MALRD1: variants seen among roughly 807,000 people sequenced by gnomAD.
The protein encoded by MALRD1 is MAM and LDL receptor class A domain containing 1, also known as MAM and LDL-receptor class A domain-containing protein 1.
In MALRD1, 247 loss-of-function variants were observed where a neutral mutation model predicts 242.1. The observed-to-expected ratio is 1.02, with a 90% CI of 0.92 to 1.13. The LOEUF (loss-of-function observed/expected upper bound fraction) is 1.13. Among genes scored for constraint, MALRD1 ranks in the 50% most tolerant of loss-of-function variants. The pLI is 0.00. For missense variants in MALRD1, 2,989 were observed against 2,533.1 expected (o/e 1.18, Z -3.86); for synonymous variants, 995 against 866.6 (o/e 1.15, Z -2.60).
chr10:19,696,291 G>A (rs1833374663), intron 38 of MALRD1, among the ~76,000 whole-genome samples: 1 of 152,054 alleles, frequency 6.6e-6, no homozygotes, highest in Non-Finnish European at 1.5e-5. Context: ...AATGTGACTG[G>A]CTTTTATGAA....
At chr10:19,185,837 G>A (rs1161533229) in intron 14 of MALRD1, among the ~76,000 whole-genome samples, 1 of 151,948 alleles carries the variant, frequency 6.6e-6, no homozygotes, top group African/African-American at 2.4e-5. Context: ...GTGTGTGTGT[G>A]TGTGTGTTAG....
intron 29 of MALRD1, among the ~76,000 whole-genome samples, chr10:19,451,093 G>A (rs377447759): frequency 1.2e-4 from 18 of 152,034 alleles, no homozygotes; most frequent in South Asian, 1.0e-3. Context: ...TCTTCCTTCC[G>A]TACCATCCGC....
At chr10:19,098,002 C>T (rs895057411) in intron 4 of MALRD1, among the ~76,000 whole-genome samples, 3 of 152,082 alleles carry the variant, frequency 2.0e-5, no homozygotes, top group African/African-American at 7.2e-5. Flanking sequence ...AGTGGCCATT[C>T]TTTTATCCCT....
At chr10:19,389,335 A>G in intron 27 of MALRD1, 117 bp from the exon 28 acceptor site, 1 of 1,109,162 alleles carries the variant, frequency 9.0e-7, no homozygotes, top group Non-Finnish European at 1.3e-6. Context: ...AAATGAAAAT[A>G]CTTTTGGCAG....
chr10:19,304,370 C>T (rs573525805), intron 21 of MALRD1, among the ~76,000 whole-genome samples: 115 of 151,662 alleles, frequency 7.6e-4, no homozygotes, highest in African/African-American at 2.7e-3. Flanking sequence ...TCTGTATCAT[C>T]TATCTATTAG....
intron 28 of MALRD1, among the ~76,000 whole-genome samples, chr10:19,427,317 G>A (rs879751787): frequency 2.6e-5 from 4 of 152,110 alleles, no homozygotes; most frequent in African/African-American, 9.7e-5. Context: ...ACCTTAATGA[G>A]CATGGCTATC....
intron 33 of MALRD1, among the ~76,000 whole-genome samples, chr10:19,585,715 C>G (rs1455836423): frequency 6.6e-6 from 1 of 152,016 alleles, no homozygotes; most frequent in Admixed American, 6.6e-5. Context: ...TGGTGTTGCT[C>G]TTCTCGAGGA....
Position 19,327,577 on chromosome 10 carries a change from A to T in MALRD1, c.3591A>T (p.Lys1197Asn). 1.9e-6 allele frequency: 3 copies of T among 1,549,748 alleles called. No individual in the cohort carries two copies. Among genetic ancestry groups the T allele is most frequent in the Non-Finnish European group, 2.6e-6 (3 of 1,146,204 alleles). Residue 1197 changes from lysine (K) to asparagine (N), a missense_variant, in exon 23 of 40, where the codon AAA becomes AAT. By Grantham distance (94) the Lys-to-Asn change is moderately conservative. Coordinates refer to ENST00000454679, the MANE Select transcript of MALRD1 (RefSeq NM_001142308.3). ...TATCTCTATAGGTGCTCATCAAGAA[A>T]GATAACGTTACTTCTAAATTGTGGG... ...TVGSLQVLIK[K>N]DNVTSKLWAQ...
chr10:19,631,344 A>G (rs534204359), intron 36 of MALRD1, among the ~76,000 whole-genome samples: 2 of 152,290 alleles, frequency 1.3e-5, no homozygotes, highest in East Asian at 1.9e-4. Context: ...TTATGGCTGC[A>G]TAGTATTTCA....
At chr10:19,373,024 G>T (rs939296214) in intron 26 of MALRD1, among the ~76,000 whole-genome samples, 23 of 151,890 alleles carry the variant, frequency 1.5e-4, no homozygotes, top group Non-Finnish European at 2.4e-4. Flanking sequence ...AAAGTTCCCT[G>T]GCCATGCTTA....
chr10:19,113,572 C>A (rs4537658), intron 5 of MALRD1, among the ~76,000 whole-genome samples: 5,578 of 151,740 alleles, frequency 0.037, 154 homozygotes, highest in Middle Eastern at 0.065. Flanking sequence ...CTCCACCTCC[C>A]TTGCCTTCTT....
chr10:19,295,280 A>G (rs1247760653), intron 21 of MALRD1, among the ~76,000 whole-genome samples: 1 of 152,100 alleles, frequency 6.6e-6, no homozygotes, highest in Non-Finnish European at 1.5e-5. Context: ...AAAATGTACC[A>G]CTTTTGCAAT....
chr10:19,138,537 C>T (rs1335801336), intron 10 of MALRD1, among the ~76,000 whole-genome samples: 4 of 151,370 alleles, frequency 2.6e-5, no homozygotes, highest in Non-Finnish European at 5.9e-5. Context: ...TCTCCTGTCT[C>T]GGCCTCCAGA....
At chr10:19,516,146 G>C (rs72788563) in intron 31 of MALRD1, among the ~76,000 whole-genome samples, 7,728 of 152,180 alleles carry the variant, frequency 0.051, 227 homozygotes, top group South Asian at 0.13. Context: ...GAGAAATCTG[G>C]AGATGTACCT....
In MALRD1 at chr10:19,694,738, A is replaced by C. The variant is rs569064319; in HGVS notation, c.6314+2184A>C. ...CATTACTGGGTATATACCCAAAGGG[A>C]TATAAATCATGCTGCTATAAAGACA... On this transcript the variant is annotated intron_variant, in intron 38 of 39. Transcript: ENST00000454679. Among the ~76,000 whole-genome samples, 951 of 152,312 alleles carry C rather than the reference A, an allele frequency of 6.2e-3. 8 individuals are homozygous for C. The highest frequency in any genetic ancestry group is 0.021 in the African/African-American group (889 of 41,568).
chr10:19,608,506 T>C (rs901348549), intron 35 of MALRD1, among the ~76,000 whole-genome samples: 6 of 152,156 alleles, frequency 3.9e-5, no homozygotes, highest in African/African-American at 9.6e-5. Flanking sequence ...CCTGAGTAGA[T>C]GATTTTTTTT....
At position 19,198,748 on chromosome 10, in the gene MALRD1, A is replaced by G. The variant is rs1477581133; in HGVS notation, c.1952-4980A>G. On this transcript the variant is annotated intron_variant, in intron 14 of 39. Coordinates refer to ENST00000454679, the MANE Select transcript of MALRD1 (RefSeq NM_001142308.3). ...AATTATTCTTATTCCAAAGACAATA[A>G]TGATTTCATTATTTATGTATTGGCA... is the stretch of plus-strand genomic sequence containing the variant. Among the ~76,000 whole-genome samples, 10 of 152,318 alleles carry G rather than the reference A, an allele frequency of 6.6e-5. No homozygotes were observed. The East Asian group carries it at 1.7e-3, about 26-fold the overall frequency.
At chr10:19,642,550 G>A (rs2131681283) in intron 36 of MALRD1, among the ~76,000 whole-genome samples, 1 of 152,116 alleles carries the variant, frequency 6.6e-6, no homozygotes, top group African/African-American at 2.4e-5. Context: ...GAATCACAGG[G>A]GGAAAAATAT....
intron 36 of MALRD1, among the ~76,000 whole-genome samples, chr10:19,671,867 C>G (rs1378064013): frequency 1.3e-5 from 2 of 152,118 alleles, no homozygotes; most frequent in Non-Finnish European, 2.9e-5. Flanking sequence ...AACTGCTGAA[C>G]CCTAAGCAGA....
Sources: gnomAD v4.1 joint callset for allele counts (sites outside exome capture counted in the v4.1 genomes callset) on GRCh38, gnomAD v4.1.1 for gene constraint, MANE v1.5 for transcripts, NCBI Gene and HGNC (gene_info 2026-07-23, HGNC 2026-07-21) for gene names.